DOK6: variants seen among roughly 807,000 people sequenced by gnomAD.
DOK6 encodes the protein docking protein 6.
In DOK6, 22 loss-of-function variants were observed where a neutral mutation model predicts 44.0. That is an observed-to-expected ratio of 0.50 (90% CI 0.36 to 0.71). The LOEUF is 0.71. Ranked by LOEUF, DOK6 falls within the 30% of genes least tolerant of loss-of-function variation. The probability of loss-of-function intolerance (pLI) is 0.00; values close to 1 mark genes in which losing one functional copy is unlikely to be tolerated. For missense variants in DOK6, 340 were observed against 416.4 expected (o/e 0.82, Z 1.60); for synonymous variants, 166 against 145.5 (o/e 1.14, Z -1.01).
chr18:69,696,784 A>T (rs1298422918), intron 4 of DOK6, among the ~76,000 whole-genome samples: 1 of 152,190 alleles, frequency 6.6e-6, no homozygotes, highest in Non-Finnish European at 1.5e-5. Context: ...GTGAATTATG[A>T]TGGGAATGTG....
chr18:69,679,050 C>T (rs1985987958), intron 4 of DOK6, among the ~76,000 whole-genome samples: 1 of 152,058 alleles, frequency 6.6e-6, no homozygotes. Flanking sequence ...GTGGCATGTG[C>T]CTATAGTTCC....
At chr18:69,402,893 C>T (rs144204454) in intron 1 of DOK6, among the ~76,000 whole-genome samples, 4 of 152,298 alleles carry the variant, frequency 2.6e-5, no homozygotes, top group African/African-American at 9.6e-5. Flanking sequence ...ACGGGAAAAG[C>T]TGCGGTTCTC....
intron 3 of DOK6, chr18:69,662,073 A>G (rs111388249): frequency 0.058 from 8,775 of 152,264 alleles, 305 homozygotes; most frequent in African/African-American, 0.092. Context: ...TCCCCCTGCC[A>G]GGTTCAAGTG....
chr18:69,661,923 G>C (rs1370181540), intron 3 of DOK6: 2 of 152,162 alleles, frequency 1.3e-5, no homozygotes, highest in African/African-American at 4.8e-5. Context: ...ACTCTGAAAA[G>C]CTGTACTTCT....
intron 3 of DOK6, chr18:69,643,581 T>G (rs1292365200): frequency 6.6e-6 from 1 of 152,206 alleles, no homozygotes; most frequent in African/African-American, 2.4e-5. Context: ...TCCACACATG[T>G]ATCAGTAATT....
chr18:69,441,039 T>A (rs1979123208), intron 1 of DOK6, among the ~76,000 whole-genome samples: 1 of 152,262 alleles, frequency 6.6e-6, no homozygotes, highest in Admixed American at 6.5e-5. Flanking sequence ...ATATTAAAAT[T>A]AAACTTTTCA....
chr18:69,784,088 G>C lies in DOK6; in HGVS notation c.856+26215G>C, dbSNP rs796901884. Among the ~76,000 whole-genome samples the C allele has an allele frequency of 1.4e-4, 21 of 152,294 alleles. No individual in the cohort carries two copies. The East Asian group carries it at 2.9e-3, about 21-fold the overall frequency. On this transcript the variant is annotated intron_variant, in intron 7 of 7. Transcript: ENST00000382713. ...TGTAGTCTCAGCTACTCGGGAAGCT[G>C]AGTGGTGGGAGGATCACTTAAGCCC...
chr18:69,726,618 T>C (rs1978309048), intron 5 of DOK6, among the ~76,000 whole-genome samples: 1 of 151,872 alleles, frequency 6.6e-6, no homozygotes, highest in African/African-American at 2.4e-5. Context: ...ACAAATTGTA[T>C]ATATATATAA....
chr18:69,471,865 CAAT>C (rs1290289361), intron 1 of DOK6: 1 of 152,164 alleles, frequency 6.6e-6, no homozygotes, highest in Non-Finnish European at 1.5e-5. Context: ...CCTCTACTCT[CAAT>C]GATGAATTCT....
chr18:69,624,288 A>C (rs1415326802), intron 3 of DOK6, among the ~76,000 whole-genome samples: 1 of 152,186 alleles, frequency 6.6e-6, no homozygotes. Flanking sequence ...TAGATTTAGT[A>C]AATCATAATC....
chr18:69,738,323 CAT>C (rs1978682215), intron 5 of DOK6, among the ~76,000 whole-genome samples: 1 of 152,134 alleles, frequency 6.6e-6, no homozygotes, highest in South Asian at 2.1e-4. Flanking sequence ...AAAATATTAA[CAT>C]ATTGATATTG....
intron 6 of DOK6, among the ~76,000 whole-genome samples, chr18:69,756,201 C>T (rs898735002): frequency 2.6e-5 from 4 of 152,190 alleles, no homozygotes; most frequent in African/African-American, 9.6e-5. Context: ...AGCCATTTCA[C>T]CGTCTCCTGC....
intron 1 of DOK6, among the ~76,000 whole-genome samples, chr18:69,424,265 A>C (rs1286401144): frequency 6.6e-6 from 1 of 152,198 alleles, no homozygotes; most frequent in African/African-American, 2.4e-5. Context: ...AGCCAAGTAA[A>C]TTCCAGAACC....
At chr18:69,536,201 G>A (rs941061393) in intron 1 of DOK6, among the ~76,000 whole-genome samples, 1 of 152,146 alleles carries the variant, frequency 6.6e-6, no homozygotes, top group Non-Finnish European at 1.5e-5. Context: ...AACACTTAAG[G>A]TGGCAGTAAA....
In DOK6 at chr18:69,489,529, G is replaced by A. The variant is rs186879487; in HGVS notation, c.67-74958G>A. The stretch of plus-strand genomic sequence containing the variant: ...CTACAAATCTAAGCTTTTTTGAGGG[G>A]AAGGGGTCCAAAATACCAGTATTGT... On this transcript the variant is annotated intron_variant, in intron 1 of 7. Coordinates refer to ENST00000382713, the MANE Select transcript of DOK6 (RefSeq NM_152721.6). Among the ~76,000 whole-genome samples, 535 of 152,248 alleles carry A rather than the reference G, an allele frequency of 3.5e-3. 3 individuals carry two copies. Among genetic ancestry groups the A allele is most frequent in the Non-Finnish European group, 5.7e-3 (390 of 68,008 alleles).
Position 69,422,786 on chromosome 18 carries a change from A to G in DOK6, c.66+21476A>G, listed in dbSNP as rs558862063. Among the ~76,000 whole-genome samples, 122 of 152,332 alleles carry G rather than the reference A, an allele frequency of 8.0e-4. 1 individual carries two copies. The highest frequency in any genetic ancestry group is 3.4e-3 in the Middle Eastern group (1 of 294). On this transcript the variant is annotated intron_variant, in intron 1 of 7. Coordinates refer to ENST00000382713, the MANE Select transcript of DOK6 (RefSeq NM_152721.6). ...TTTTCAAAATTTTGGTTTGAAACAT[A>G]ATTATTCCTCTTAAAATTTCCCATG... is the stretch of plus-strand genomic sequence containing the variant.
At chr18:69,404,410 T>C (rs1916159503) in intron 1 of DOK6, among the ~76,000 whole-genome samples, 1 of 152,216 alleles carries the variant, frequency 6.6e-6, no homozygotes, top group South Asian at 2.1e-4. Context: ...CAGTCAGTTT[T>C]TGGTTTGCAG....
At chr18:69,573,235 G>A (rs1305932401) in intron 2 of DOK6, among the ~76,000 whole-genome samples, 1 of 151,736 alleles carries the variant, frequency 6.6e-6, no homozygotes, top group Admixed American at 6.6e-5. Context: ...CATGCTCTAT[G>A]TGTGTGATTT....
At chr18:69,643,152 T>A (rs1316417424) in intron 3 of DOK6, among the ~76,000 whole-genome samples, 2 of 152,236 alleles carry the variant, frequency 1.3e-5, no homozygotes, top group African/African-American at 4.8e-5. Context: ...TAGCTGTACA[T>A]TCATATGAAG....
Sources: allele counts gnomAD v4.1 joint callset (sites outside exome capture counted in the v4.1 genomes callset), GRCh38; gene constraint gnomAD v4.1.1; transcripts MANE v1.5; gene names NCBI Gene and HGNC (gene_info 2026-07-23, HGNC 2026-07-21).